KATNIP: variants seen among roughly 807,000 people sequenced by gnomAD.
The protein encoded by KATNIP is katanin interacting protein.
A neutral mutation model predicts 174.0 loss-of-function variants in KATNIP; 126 were observed. The observed-to-expected ratio is 0.72, with a 90% CI of 0.63 to 0.84. The LOEUF (loss-of-function observed/expected upper bound fraction) is 0.84. KATNIP is among the 40% of genes least tolerant of loss of function. The probability of loss-of-function intolerance (pLI) is 0.00; values close to 1 mark genes in which losing one functional copy is unlikely to be tolerated. For synonymous variants in KATNIP, 810 were observed against 835.7 expected (o/e 0.97, Z 0.53); for missense variants, 1,958 against 2,109.7 (o/e 0.93, Z 1.41).
chr16:27,638,336 T>C (rs2076696621), intron 5 of KATNIP, among the ~76,000 whole-genome samples: 1 of 152,168 alleles, frequency 6.6e-6, no homozygotes, highest in Non-Finnish European at 1.5e-5. Context: ...ATACCATTAT[T>C]ACCGTCATGA....
rs752534525 is a variant in KATNIP at position 27,777,877 on chromosome 16, T to G, written c.4713-4T>G. The G allele has an allele frequency of 1.9e-6, 3 of 1,613,924 alleles. No individual in the cohort carries two copies. In the South Asian group the frequency reaches 3.3e-5, roughly 18 times the overall value. On this transcript the variant is annotated splice_polypyrimidine_tract_variant and splice_region_variant and intron_variant, in intron 26 of 27. Coordinates refer to ENST00000261588, the MANE Select transcript of KATNIP (RefSeq NM_015202.5). This position sits in a 1 kb window ranked among gnomAD's most constrained non-coding sequence, Gnocchi z 4.4. ...CGAATCTTGTGTTTCCTTCCTACCCTCAGTAATCAGGCCGAGGATCAAGAT... is the reference window on the plus strand; with the variant it reads ...CGAATCTTGTGTTTCCTTCCTACCCGCAGTAATCAGGCCGAGGATCAAGAT...
chr16:27,562,743 G>C (rs546975894), intron 1 of KATNIP, among the ~76,000 whole-genome samples: 21 of 152,290 alleles, frequency 1.4e-4, no homozygotes, highest in Middle Eastern at 3.4e-3. Context: ...CCTGGGAAGC[G>C]TGTTGTCACA....
intron 6 of KATNIP, among the ~76,000 whole-genome samples, chr16:27,670,068 G>A (rs904324258): frequency 3.3e-5 from 5 of 152,152 alleles, no homozygotes; most frequent in Non-Finnish European, 5.9e-5. Context: ...ATTGAAACAG[G>A]AGGAATTATT....
At chr16:27,595,517 A>AC (rs1324084383) in intron 2 of KATNIP, among the ~76,000 whole-genome samples, 2 of 152,218 alleles carry the variant, frequency 1.3e-5, no homozygotes, top group African/African-American at 2.4e-5. Flanking sequence ...AATGAGCATC[A>AC]CCAAGTCTGG....
At chr16:27,553,428 A>G (rs2089475923) in intron 1 of KATNIP, among the ~76,000 whole-genome samples, 1 of 152,202 alleles carries the variant, frequency 6.6e-6, no homozygotes, top group Non-Finnish European at 1.5e-5. Context: ...ATTTCTGCCA[A>G]ATTCCCAAGA....
intron 15 of KATNIP, among the ~76,000 whole-genome samples, chr16:27,748,304 GGC>G (rs1250657058): frequency 6.6e-6 from 1 of 152,210 alleles, no homozygotes; most frequent in Non-Finnish European, 1.5e-5. Context: ...TTTTTGGCTG[GGC>G]GCGGTGGCTT....
chr16:27,612,071 GC>G (rs1177566956), intron 2 of KATNIP, among the ~76,000 whole-genome samples: 2 of 152,144 alleles, frequency 1.3e-5, no homozygotes, highest in Non-Finnish European at 2.9e-5. Context: ...TGAGAATGGG[GC>G]GAGGTGGGAC....
At chr16:27,750,881 A>C (rs2081491978) in intron 16 of KATNIP, among the ~76,000 whole-genome samples, 1 of 148,992 alleles carries the variant, frequency 6.7e-6, no homozygotes, top group African/African-American at 2.5e-5. Flanking sequence ...AGGTGCACCA[A>C]CCCACCTGGC....
intron 5 of KATNIP, among the ~76,000 whole-genome samples, chr16:27,640,870 T>G (rs1466477071): frequency 3.3e-5 from 5 of 151,956 alleles, no homozygotes; most frequent in African/African-American, 1.2e-4. Context: ...GCGCGGAGGC[T>G]CACGCATGTA....
chr16:27,600,791 G>T (rs544727682), intron 2 of KATNIP, among the ~76,000 whole-genome samples: 2 of 150,908 alleles, frequency 1.3e-5, no homozygotes, highest in African/African-American at 4.9e-5. Flanking sequence ...GTGCAGTGGC[G>T]CAATCTCGGC....
chr16:27,694,213 C>T (rs984357552), intron 8 of KATNIP, among the ~76,000 whole-genome samples: 1 of 152,188 alleles, frequency 6.6e-6, no homozygotes, highest in Non-Finnish European at 1.5e-5. Flanking sequence ...CTTCTCCTGC[C>T]AGTGACATTC....
chr16:27,604,190 C>A (rs1183097090), intron 2 of KATNIP, among the ~76,000 whole-genome samples: 1 of 152,284 alleles, frequency 6.6e-6, no homozygotes, highest in East Asian at 1.9e-4. Flanking sequence ...CCTCAATCTC[C>A]TGGGCTCAAG....
chr16:27,738,401 G>A (rs756357965), intron 14 of KATNIP, among the ~76,000 whole-genome samples: 7 of 152,222 alleles, frequency 4.6e-5, no homozygotes, highest in Admixed American at 1.3e-4. Context: ...AGCTGTACCC[G>A]TTAAATATGC....
rs114500984 is a variant in KATNIP, at chr16:27,747,843, C to T, written c.2624-1741C>T. Among the ~76,000 whole-genome samples, 417 of 152,218 alleles carry T rather than the reference C, an allele frequency of 2.7e-3. 5 individuals carry two copies. The highest frequency in any genetic ancestry group is 9.0e-3 in the African/African-American group (373 of 41,510). ...GTTGGAGGGAGCCACAGGAGCGGGT[C>T]GCCTTCCTGTTTCTTCCTTTCTTCT... On this transcript the variant is annotated intron_variant, in intron 15 of 27. Coordinates refer to ENST00000261588, the MANE Select transcript of KATNIP (RefSeq NM_015202.5).
chr16:27,600,564 TACAA>T (rs2075485287), intron 2 of KATNIP, among the ~76,000 whole-genome samples: 1 of 152,040 alleles, frequency 6.6e-6, no homozygotes, highest in Non-Finnish European at 1.5e-5. Flanking sequence ...CATCTGCTTT[TACAA>T]ACACTCTTCC....
At chr16:27,657,700 A>G (rs1332149049) in intron 6 of KATNIP, among the ~76,000 whole-genome samples, 1 of 152,138 alleles carries the variant, frequency 6.6e-6, no homozygotes, top group Admixed American at 6.6e-5. Context: ...TCACGAGGTC[A>G]AGAGTTCAAG....
chr16:27,583,932 T>A (rs2090790586), intron 2 of KATNIP, among the ~76,000 whole-genome samples: 1 of 152,082 alleles, frequency 6.6e-6, no homozygotes, highest in Non-Finnish European at 1.5e-5. Context: ...GCCTTAGGCT[T>A]ACAGTGTAGA....
At chr16:27,663,510 T>G (rs1457751560) in intron 6 of KATNIP, among the ~76,000 whole-genome samples, 1 of 151,696 alleles carries the variant, frequency 6.6e-6, no homozygotes, top group Non-Finnish European at 1.5e-5. Flanking sequence ...TGCAACAGAG[T>G]CTTGCTCGGC....
chr16:27,772,547 T>C (rs1292900769), intron 22 of KATNIP, among the ~76,000 whole-genome samples: 1 of 152,200 alleles, frequency 6.6e-6, no homozygotes, highest in Non-Finnish European at 1.5e-5. Context: ...ACGTGGGACT[T>C]CAGCAGCAAT....
Sources: gnomAD v4.1 joint callset for allele counts (sites outside exome capture counted in the v4.1 genomes callset) on GRCh38, gnomAD v4.1.1 for gene constraint, Gnocchi (gnomAD v3.1) non-coding constraint, MANE v1.5 for transcripts, NCBI Gene and HGNC (gene_info 2026-07-23, HGNC 2026-07-21) for gene names.